Variants in TMEM65 observed in about 807,000 individuals in gnomAD.
TMEM65 encodes the protein transmembrane protein 65.
A neutral mutation model predicts 25.4 loss-of-function variants in TMEM65; 22 were observed. That is an observed-to-expected ratio of 0.86 (90% CI 0.62 to 1.23). TMEM65 has a LOEUF of 1.23. Among genes scored for constraint, TMEM65 ranks in the 50% most tolerant of loss-of-function variants. The probability of loss-of-function intolerance (pLI) is 0.00; values close to 1 mark genes in which losing one functional copy is unlikely to be tolerated. For synonymous variants in TMEM65, 132 were observed against 126.2 expected, an observed-to-expected ratio of 1.05 and a Z score of -0.31; for missense variants, 262 against 308.2, an observed-to-expected ratio of 0.85 and a Z score of 1.12.
At chr8:124,338,805 C>T (rs1466235413) in intron 1 of TMEM65, among the ~76,000 whole-genome samples, 1 of 152,054 alleles carries the variant, frequency 6.6e-6, no homozygotes, top group African/African-American at 2.4e-5. Flanking sequence ...ATAAGTTATG[C>T]TACTGTCAAA....
chr8:124,322,721 G>A (rs1814319645), intron 4 of TMEM65, among the ~76,000 whole-genome samples: 1 of 151,994 alleles, frequency 6.6e-6, no homozygotes. Flanking sequence ...TAATAGGCTG[G>A]GCGTGGTGGC....
intron 5 of TMEM65, 26 bp downstream of exon 5, chr8:124,322,079 A>G (rs1160688855): frequency 6.3e-7 from 1 of 1,576,630 alleles, no homozygotes. Context: ...TACAGAATAT[A>G]CAAATGAATA....
chr8:124,345,734 A>ATTATTTAT (rs146382797), intron 1 of TMEM65, among the ~76,000 whole-genome samples: 32,791 of 150,124 alleles, frequency 0.22, 4,085 homozygotes, highest in Middle Eastern at 0.33. Flanking sequence ...AAGGAGGTTT[A>ATTATTTAT]TTATTTATTT....
chr8:124,331,055 T>G (rs1814425668), intron 1 of TMEM65, among the ~76,000 whole-genome samples: 1 of 151,970 alleles, frequency 6.6e-6, no homozygotes, highest in African/African-American at 2.4e-5. Context: ...ATTTGTTTTT[T>G]GTTTTTCAGA....
chr8:124,327,902 A>G (rs1214460585), intron 2 of TMEM65, among the ~76,000 whole-genome samples: 1 of 152,050 alleles, frequency 6.6e-6, no homozygotes, highest in African/African-American at 2.4e-5. Flanking sequence ...TTACTAACTA[A>G]TTTTTTTAAA....
chr8:124,370,913 G>C (rs952453114), intron 1 of TMEM65, among the ~76,000 whole-genome samples: 2 of 152,172 alleles, frequency 1.3e-5, no homozygotes, highest in African/African-American at 4.8e-5. Flanking sequence ...CTGAAGCAAT[G>C]TGTTTTGTTT....
intron 1 of TMEM65, among the ~76,000 whole-genome samples, chr8:124,343,957 T>C (rs945021876): frequency 1.3e-5 from 2 of 152,232 alleles, no homozygotes; most frequent in African/African-American, 2.4e-5. Context: ...TGACAGTTTA[T>C]AGGCAAATGT....
chr8:124,368,967 A>G (rs1447889717), intron 1 of TMEM65, among the ~76,000 whole-genome samples: 2 of 152,220 alleles, frequency 1.3e-5, no homozygotes, highest in East Asian at 1.9e-4. Context: ...GCTATATTTT[A>G]AAAGCTTTAA....
intron 1 of TMEM65, among the ~76,000 whole-genome samples, chr8:124,343,382 A>T (rs1814604685): frequency 6.6e-6 from 1 of 152,152 alleles, no homozygotes; most frequent in Non-Finnish European, 1.5e-5. Flanking sequence ...ATGCCAAAGT[A>T]TATTATCATC....
chr8:124,349,926 A>C (rs778578480), intron 1 of TMEM65, among the ~76,000 whole-genome samples: 1 of 152,204 alleles, frequency 6.6e-6, no homozygotes, highest in Non-Finnish European at 1.5e-5. Context: ...AATTTGAATA[A>C]GTATCAAATA....
intron 1 of TMEM65, among the ~76,000 whole-genome samples, chr8:124,360,301 G>A (rs1302639498): frequency 2.0e-5 from 3 of 151,710 alleles, no homozygotes; most frequent in African/African-American, 4.8e-5. Context: ...ATGGTGGCGC[G>A]CGCCTGCAGC....
At chr8:124,319,918 G>GT (rs1814284214) in intron 6 of TMEM65, among the ~76,000 whole-genome samples, 168 bp downstream of exon 6, 1 of 152,108 alleles carries the variant, frequency 6.6e-6, no homozygotes, top group Non-Finnish European at 1.5e-5. Context: ...AAAATAAGGA[G>GT]TTAATAACAC....
At chr8:124,317,769 C>A (rs542023658) in intron 6 of TMEM65, among the ~76,000 whole-genome samples, 2 of 152,222 alleles carry the variant, frequency 1.3e-5, no homozygotes, top group Admixed American at 6.5e-5. Flanking sequence ...ACATAAGGCT[C>A]CATCTTGCCA....
At chr8:124,325,941 T>C (rs908329202) in intron 3 of TMEM65, among the ~76,000 whole-genome samples, 6 of 152,062 alleles carry the variant, frequency 3.9e-5, no homozygotes, top group Admixed American at 3.3e-4. Context: ...TTATGTCCAT[T>C]TGTAGTACAC....
intron 1 of TMEM65, among the ~76,000 whole-genome samples, chr8:124,365,596 G>T (rs991315345): frequency 1.3e-5 from 2 of 151,818 alleles, no homozygotes; most frequent in Non-Finnish European, 2.9e-5. Context: ...AAAGAATTTT[G>T]CAAGTGTAAT....
Position 124,313,902 on chromosome 8 carries a change from G to A in TMEM65, c.*58C>T, listed in dbSNP as rs757311638. The A allele has an allele frequency of 2.6e-6, 3 of 1,138,538 alleles. No individual in the cohort carries two copies. Among genetic ancestry groups the A allele is most frequent in the East Asian group, 4.9e-5 (2 of 40,520 alleles). The allele number at this position is 1,138,538 out of a possible 1,614,324, so 70.5% of individuals were successfully genotyped here. Reference sequence around the variant, plus strand: ...GTCTTAATTCCTAAATGTTGTGACAGCATATTTAATTACTGAGGTACATTA... The same window carrying A: ...GTCTTAATTCCTAAATGTTGTGACAACATATTTAATTACTGAGGTACATTA... On this transcript the variant is annotated 3_prime_UTR_variant, in exon 7 of 7. Coordinates refer to ENST00000297632, the MANE Select transcript of TMEM65 (RefSeq NM_194291.3).
At chr8:124,327,078 T>C (rs1374583030) in intron 3 of TMEM65, among the ~76,000 whole-genome samples, 1 of 152,060 alleles carries the variant, frequency 6.6e-6, no homozygotes, top group East Asian at 1.9e-4. Flanking sequence ...TTATTAAGAA[T>C]GTTGAAATTA....
chr8:124,354,883 T>C (rs1281027550), intron 1 of TMEM65, among the ~76,000 whole-genome samples: 1 of 152,096 alleles, frequency 6.6e-6, no homozygotes, highest in African/African-American at 2.4e-5. Context: ...AGAAACTTAT[T>C]ATCCAATGAT....
At chr8:124,354,188 T>C (rs1219345320) in intron 1 of TMEM65, among the ~76,000 whole-genome samples, 1 of 152,068 alleles carries the variant, frequency 6.6e-6, no homozygotes, top group Non-Finnish European at 1.5e-5. Flanking sequence ...AGTGTCAAGA[T>C]CAATGCAACT....
Sources: allele counts gnomAD v4.1 joint callset (sites outside exome capture counted in the v4.1 genomes callset), GRCh38; gene constraint gnomAD v4.1.1; transcripts MANE v1.5; gene names NCBI Gene and HGNC (gene_info 2026-07-23, HGNC 2026-07-21).